Variants in GABRA2 observed in about 807,000 individuals in gnomAD.
The protein encoded by GABRA2 is gamma-aminobutyric acid type A receptor subunit alpha2, also known as gamma-aminobutyric acid receptor subunit alpha-2.
In GABRA2, 16 loss-of-function variants were observed where a neutral mutation model predicts 48.7. The ratio of observed to expected loss-of-function variants is 0.33; its 90% CI spans 0.22 to 0.50. The LOEUF is 0.50. Ranked by LOEUF, GABRA2 falls within the 20% of genes least tolerant of loss-of-function variation. GABRA2 has a pLI of 0.98. For synonymous variants in GABRA2, 185 were observed against 184.5 expected (o/e 1.00, Z -0.02); for missense variants, 275 against 535.6 (o/e 0.51, Z 4.80).
At chr4:46,333,058 G>T (rs530853897) in intron 3 of GABRA2, among the ~76,000 whole-genome samples, 1 of 151,856 alleles carries the variant, frequency 6.6e-6, no homozygotes, top group Admixed American at 6.6e-5. Flanking sequence ...TCCTACATTC[G>T]ATGTTCAACT....
intron 6 of GABRA2, among the ~76,000 whole-genome samples, chr4:46,308,921 T>C (rs563969641): frequency 6.7e-4 from 102 of 152,286 alleles, no homozygotes; most frequent in Non-Finnish European, 1.4e-3. Context: ...ATTAATCTTT[T>C]CTTTGGTATC....
At chr4:46,262,975 A>AGG (rs1717341924) in intron 8 of GABRA2, among the ~76,000 whole-genome samples, 1 of 139,122 alleles carries the variant, frequency 7.2e-6, no homozygotes, top group African/African-American at 2.6e-5. Flanking sequence ...AGAGAGAGAG[A>AGG]GAGGGAGGGA....
chr4:46,324,950 T>G (rs1479636231), intron 4 of GABRA2, among the ~76,000 whole-genome samples: 1 of 152,032 alleles, frequency 6.6e-6, no homozygotes, highest in African/African-American at 2.4e-5. Context: ...GACCGCATTT[T>G]CTTTATGCAG....
chr4:46,362,494 A>G (rs1050613234), intron 3 of GABRA2, among the ~76,000 whole-genome samples: 2 of 152,208 alleles, frequency 1.3e-5, no homozygotes, highest in African/African-American at 4.8e-5. Context: ...GACTAATACA[A>G]ATTATATCTC....
At chr4:46,301,305 C>T (rs899964229) in intron 8 of GABRA2, among the ~76,000 whole-genome samples, 2 of 152,068 alleles carry the variant, frequency 1.3e-5, no homozygotes, top group African/African-American at 4.8e-5. Flanking sequence ...TGTCAATCAA[C>T]CTCAACAAAA....
chr4:46,388,797 TC>T, intron 1 of GABRA2, 81 bp from the exon 2 acceptor site: 1 of 1,593,352 alleles, frequency 6.3e-7, no homozygotes, highest in Non-Finnish European at 8.5e-7. Flanking sequence ...CCAAAGAATA[TC>T]CTTTTAGTTA....
intron 8 of GABRA2, among the ~76,000 whole-genome samples, chr4:46,285,585 C>G (rs913454385): frequency 2.0e-5 from 3 of 151,892 alleles, no homozygotes; most frequent in African/African-American, 7.2e-5. Flanking sequence ...TTCCTTATAA[C>G]CTTTATTAAA....
intron 3 of GABRA2, among the ~76,000 whole-genome samples, chr4:46,375,820 G>T (rs75446850): frequency 6.6e-6 from 1 of 152,186 alleles, no homozygotes; most frequent in Non-Finnish European, 1.5e-5. Context: ...ACTGGGTCTT[G>T]CTCGTGATAG....
chr4:46,328,057 G>A (rs1319827751), intron 4 of GABRA2, among the ~76,000 whole-genome samples: 1 of 151,962 alleles, frequency 6.6e-6, no homozygotes, highest in African/African-American at 2.4e-5. Flanking sequence ...GAAAAAAACA[G>A]TAGAGCAAGT....
At chr4:46,264,443 T>C (rs1717692159) in intron 8 of GABRA2, among the ~76,000 whole-genome samples, 1 of 152,122 alleles carries the variant, frequency 6.6e-6, no homozygotes, top group African/African-American at 2.4e-5. Flanking sequence ...GTATGATTGT[T>C]TGCATTTTTT....
chr4:46,344,506 AG>A (rs1395234117), intron 3 of GABRA2, among the ~76,000 whole-genome samples: 2 of 152,006 alleles, frequency 1.3e-5, no homozygotes, highest in African/African-American at 2.4e-5. Flanking sequence ...CAAAAGGGCA[AG>A]GTGGAGGAAA....
chr4:46,262,212 C>A (rs187746158), intron 8 of GABRA2, 84 bp from the exon 9 acceptor site: 4 of 1,015,054 alleles, frequency 3.9e-6, no homozygotes, highest in African/African-American at 1.6e-5. Context: ...CTCCCTCCAG[C>A]CCCCAAAGCT....
At chr4:46,369,569 G>A (rs1714570301) in intron 3 of GABRA2, among the ~76,000 whole-genome samples, 1 of 151,950 alleles carries the variant, frequency 6.6e-6, no homozygotes, top group Non-Finnish European at 1.5e-5. Context: ...AGTTTTAGGT[G>A]GCAGAATTAT....
intron 8 of GABRA2, among the ~76,000 whole-genome samples, chr4:46,280,736 G>A (rs1332550194): frequency 6.6e-6 from 1 of 152,152 alleles, no homozygotes; most frequent in Non-Finnish European, 1.5e-5. Context: ...TATTTCTAGA[G>A]ATGGATCCTT....
In GABRA2 at chr4:46,245,435, TA is replaced by T. The variant is rs201732404; in HGVS notation, c.*4872del. On this transcript the variant is annotated 3_prime_UTR_variant, in exon 10 of 10. Coordinates refer to ENST00000381620, the MANE Select transcript of GABRA2 (RefSeq NM_000807.4). Reference sequence around the variant, plus strand: ...GATCATTTTGAATTTAATCTTTTTTTAAAAAAAAACTAGAAATACATTCGAA... The same window carrying T: ...GATCATTTTGAATTTAATCTTTTTTTAAAAAAAACTAGAAATACATTCGAA... Among the ~76,000 whole-genome samples the T allele has an allele frequency of 2.7e-5, 4 of 150,358 alleles. No homozygotes were observed. Among genetic ancestry groups the T allele is most frequent in the African/African-American group, 7.3e-5 (3 of 41,134 alleles).
At chr4:46,344,589 CTG>C (rs1279809536) in intron 3 of GABRA2, among the ~76,000 whole-genome samples, 1 of 151,634 alleles carries the variant, frequency 6.6e-6, no homozygotes, top group Non-Finnish European at 1.5e-5. Flanking sequence ...ATGGGAAAGA[CTG>C]AGGTTGAAAG....
intron 4 of GABRA2, among the ~76,000 whole-genome samples, chr4:46,315,108 A>G (rs915430392): frequency 1.3e-5 from 2 of 149,814 alleles, no homozygotes; most frequent in Non-Finnish European, 3.0e-5. Flanking sequence ...TCCCAGCAAC[A>G]GTGTGTAAGT....
Position 46,244,160 on chromosome 4 carries a change from T to A in GABRA2, c.*6148A>T, listed in dbSNP as rs1233862093. ...TGAGAATTGTGGCTCAATAATTGAGTTTTACTTATGTCTTTCTAATTATAC... is the reference window on the plus strand; with the variant it reads ...TGAGAATTGTGGCTCAATAATTGAGATTTACTTATGTCTTTCTAATTATAC... On this transcript the variant is annotated 3_prime_UTR_variant, in exon 10 of 10. Transcript: ENST00000381620. The A allele has an allele frequency of 1.3e-5, 2 of 151,500 alleles. No homozygotes were observed. The highest frequency in any genetic ancestry group is 6.6e-5 in the Admixed American group (1 of 15,144). The allele number at this position is 151,500 out of a possible 1,614,324, so 9.4% of individuals were successfully genotyped here.
At chr4:46,287,236 C>A (rs977322978) in intron 8 of GABRA2, among the ~76,000 whole-genome samples, 7 of 152,040 alleles carry the variant, frequency 4.6e-5, no homozygotes, top group Middle Eastern at 3.2e-3. Flanking sequence ...TTGAATAATT[C>A]TAACAACCCT....
Sources: gnomAD v4.1 joint callset for allele counts (sites outside exome capture counted in the v4.1 genomes callset) on GRCh38, gnomAD v4.1.1 for gene constraint, MANE v1.5 for transcripts, NCBI Gene and HGNC (gene_info 2026-07-23, HGNC 2026-07-21) for gene names.